Variants in NPAS2 observed in about 807,000 individuals in gnomAD.
NPAS2 encodes the protein neuronal PAS domain-containing protein 2.
NPAS2 carries 23 observed loss-of-function variants against 107.5 expected under a neutral mutation model. The observed-to-expected ratio is 0.21, with a 90% CI of 0.15 to 0.30. The LOEUF (loss-of-function observed/expected upper bound fraction) is 0.30. Ranked by LOEUF, NPAS2 falls within the 10% of genes least tolerant of loss-of-function variation. NPAS2 has a pLI of 1.00. For synonymous variants in NPAS2, 403 were observed against 417.5 expected, an observed-to-expected ratio of 0.97 and a Z score of 0.42; for missense variants, 756 against 1,043.3, an observed-to-expected ratio of 0.72 and a Z score of 3.79.
At chr2:100,988,883 G>A (rs1295205008) in intron 17 of NPAS2, 17 of 136,424 alleles carry the variant, frequency 1.2e-4, no homozygotes, top group Admixed American at 7.8e-4. Context: ...TCCTCCAGGC[G>A]CCCCCTGCCC....
At chr2:100,982,968 G>C (rs1211754077) in intron 16 of NPAS2, 2 of 152,668 alleles carry the variant, frequency 1.3e-5, no homozygotes, top group African/African-American at 4.8e-5. Flanking sequence ...TGTTTGGAGA[G>C]GTGTTGTTTT....
At chr2:100,931,396 G>C (rs866654516) in intron 3 of NPAS2, among the ~76,000 whole-genome samples, 2 of 152,032 alleles carry the variant, frequency 1.3e-5, no homozygotes, top group African/African-American at 2.4e-5. Flanking sequence ...TCGAAGGAAG[G>C]AGTCTTCCTG....
intron 15 of NPAS2, among the ~76,000 whole-genome samples, chr2:100,980,294 G>A (rs961574105): frequency 6.6e-6 from 1 of 152,130 alleles, no homozygotes; most frequent in Non-Finnish European, 1.5e-5. Flanking sequence ...TCCCGACTTC[G>A]TAGAACCTGC....
chr2:100,896,570 G>A (rs1260222591), intron 1 of NPAS2, among the ~76,000 whole-genome samples: 1 of 152,208 alleles, frequency 6.6e-6, no homozygotes, highest in Non-Finnish European at 1.5e-5. Flanking sequence ...GGACCCATTG[G>A]GCCTTCCTGA....
At chr2:100,963,506 A>G (rs971304796) in intron 7 of NPAS2, among the ~76,000 whole-genome samples, 12 of 152,100 alleles carry the variant, frequency 7.9e-5, no homozygotes, top group African/African-American at 2.4e-4. Context: ...CCCAGGTTCA[A>G]GTGATTCTCA....
At chr2:100,838,885 T>A (rs1202545394) in intron 1 of NPAS2, among the ~76,000 whole-genome samples, 1 of 152,130 alleles carries the variant, frequency 6.6e-6, no homozygotes, top group African/African-American at 2.4e-5. Flanking sequence ...TTTAGAAATA[T>A]ATATTAAATA....
chr2:100,863,754 G>A (rs2104539587), intron 1 of NPAS2, among the ~76,000 whole-genome samples: 1 of 152,160 alleles, frequency 6.6e-6, no homozygotes, highest in Non-Finnish European at 1.5e-5. Context: ...TTGCCATTTT[G>A]ACCATTCTTA....
At chr2:100,858,745 G>A (rs972546402) in intron 1 of NPAS2, among the ~76,000 whole-genome samples, 7 of 151,960 alleles carry the variant, frequency 4.6e-5, no homozygotes, top group East Asian at 1.9e-4. Flanking sequence ...CACCTTCTCC[G>A]TACTCTGAAA....
At chr2:100,837,854 C>T (rs936697243) in intron 1 of NPAS2, among the ~76,000 whole-genome samples, 1 of 152,078 alleles carries the variant, frequency 6.6e-6, no homozygotes, top group Non-Finnish European at 1.5e-5. Flanking sequence ...CAGGAAGTGT[C>T]CTTTAGAGAG....
chr2:100,861,137 G>A (rs1166292240), intron 1 of NPAS2, among the ~76,000 whole-genome samples: 1 of 152,022 alleles, frequency 6.6e-6, no homozygotes, highest in Non-Finnish European at 1.5e-5. Flanking sequence ...AAAGCACTGG[G>A]ATTATAGCTG....
intron 1 of NPAS2, among the ~76,000 whole-genome samples, chr2:100,861,290 A>G (rs974091780): frequency 3.9e-5 from 6 of 152,212 alleles, no homozygotes; most frequent in Non-Finnish European, 8.8e-5. Flanking sequence ...GAAGAGAAGC[A>G]GGAGACAAAC....
intron 5 of NPAS2, among the ~76,000 whole-genome samples, chr2:100,946,428 C>G (rs1039239529): frequency 6.6e-5 from 10 of 152,100 alleles, no homozygotes. Context: ...CACAGGGCTT[C>G]GTTAAACACA....
intron 7 of NPAS2, among the ~76,000 whole-genome samples, chr2:100,959,451 C>T (rs1448367461): frequency 6.6e-6 from 1 of 152,140 alleles, no homozygotes; most frequent in Non-Finnish European, 1.5e-5. Flanking sequence ...TATCACGGTG[C>T]TCTCCTAGGA....
At position 100,854,566 on chromosome 2, in the gene NPAS2, T is replaced by C. The variant is rs543285242; in HGVS notation, c.-23+34152T>C. Among the ~76,000 whole-genome samples the C allele has an allele frequency of 3.3e-5, 5 of 152,150 alleles. No homozygotes were observed. In the East Asian group the frequency reaches 9.7e-4, roughly 29 times the overall value. On this transcript the variant is annotated intron_variant, in intron 1 of 20. Coordinates refer to ENST00000335681, the MANE Select transcript of NPAS2 (RefSeq NM_002518.4). ...TTTCCCCCCAGCTTTTATACATCAG[T>C]CCTAGGGAAAGATTCTAATTGGCCT...
chr2:100,928,877 A>G (rs1418293632), intron 3 of NPAS2, among the ~76,000 whole-genome samples: 3 of 152,036 alleles, frequency 2.0e-5, no homozygotes, highest in Admixed American at 1.3e-4. Context: ...ACCTACAGGA[A>G]CTCCTCTACA....
At chr2:100,841,539 AT>A (rs1391411921) in intron 1 of NPAS2, among the ~76,000 whole-genome samples, 1 of 152,206 alleles carries the variant, frequency 6.6e-6, no homozygotes, top group African/African-American at 2.4e-5. Flanking sequence ...CATAATCCCT[AT>A]TTGTGTGCCT....
intron 1 of NPAS2, among the ~76,000 whole-genome samples, chr2:100,848,085 TC>T (rs1314150314): frequency 6.6e-6 from 1 of 152,196 alleles, no homozygotes; most frequent in Non-Finnish European, 1.5e-5. Flanking sequence ...TCAAGGGCTT[TC>T]CCCTTAAAGG....
rs191656907 is a variant in NPAS2 at position 100,982,033 on chromosome 2, G to A, written c.1483-198G>A. Among the ~76,000 whole-genome samples, 273 of 152,328 alleles carry A rather than the reference G, an allele frequency of 1.8e-3. 2 individuals carry two copies. The highest frequency in any genetic ancestry group is 6.3e-3 in the African/African-American group (260 of 41,584). ...CATAGCCAGCCTGAGAAAGACTGGT[G>A]CAGGGGCCCCCAGGATGCCCAGACC... On this transcript the variant is annotated intron_variant, in intron 15 of 20. Transcript: ENST00000335681.
intron 1 of NPAS2, chr2:100,821,061 C>T (rs1306496736): frequency 1.2e-5 from 15 of 1,304,126 alleles, no homozygotes; most frequent in Non-Finnish European, 1.5e-5. Flanking sequence ...AGATGTGCCC[C>T]TTTCCCAGCC....
Sources: allele counts gnomAD v4.1 joint callset (sites outside exome capture counted in the v4.1 genomes callset), GRCh38; gene constraint gnomAD v4.1.1; transcripts MANE v1.5; gene names NCBI Gene and HGNC (gene_info 2026-07-23, HGNC 2026-07-21).